Variants in PECR observed in about 807,000 individuals in gnomAD.
PECR encodes peroxisomal trans-2-enoyl-CoA reductase, also known as 2,4-dienoyl-CoA reductase-related protein.
A neutral mutation model predicts 35.3 loss-of-function variants in PECR; 30 were observed. That is an observed-to-expected ratio of 0.85 (90% confidence interval 0.64 to 1.15). PECR has a LOEUF of 1.15. Among genes scored for constraint, PECR ranks in the 50% most tolerant of loss-of-function variants. The pLI, the probability that PECR is intolerant of heterozygous loss-of-function variation, is 0.00. For missense variants in PECR, 392 were observed against 370.8 expected, an observed-to-expected ratio of 1.06 and a Z score of -0.47; for synonymous variants, 148 against 138.9, an observed-to-expected ratio of 1.07 and a Z score of -0.46.
chr2:216,069,574 G>A lies in PECR; in HGVS notation c.125-3056C>T, dbSNP rs137937560. Among the ~76,000 whole-genome samples the A allele has an allele frequency of 3.9e-5, 6 of 152,260 alleles. No individual in the cohort carries two copies. The East Asian group carries it at 1.2e-3, about 29-fold the overall frequency. ...CTGAAGGCAAACTTAACATCATGAGGAAAGTGCCTGTGACAAAGAAGATGA... is the reference window on the plus strand; with the variant it reads ...CTGAAGGCAAACTTAACATCATGAGAAAAGTGCCTGTGACAAAGAAGATGA... On this transcript the variant is annotated intron_variant, in intron 1 of 7. Coordinates refer to ENST00000265322, the MANE Select transcript of PECR (RefSeq NM_018441.6).
intron 1 of PECR, among the ~76,000 whole-genome samples, chr2:216,074,300 A>G (rs566622342): frequency 2.3e-4 from 35 of 152,272 alleles, no homozygotes; most frequent in African/African-American, 7.7e-4. Context: ...CAAAAAAATT[A>G]GCTGAGCATG....
Position 216,039,373 on chromosome 2 carries a change from T to TG in PECR, c.827-14dup. On this transcript the variant is annotated splice_polypyrimidine_tract_variant and intron_variant, in intron 7 of 7. Coordinates refer to ENST00000265322, the MANE Select transcript of PECR (RefSeq NM_018441.6). Reference sequence around the variant, plus strand: ...CAGTTGTCATGATCTGTTAAAGAAGTGGAAAGCCTCCTGTCACTTGCAAAT... The same window carrying TG: ...CAGTTGTCATGATCTGTTAAAGAAGTGGGAAAGCCTCCTGTCACTTGCAAAT... 6.7e-7 allele frequency: 1 copy of TG among 1,499,774 alleles called. No homozygotes were observed. The allele number at this position is 1,499,774 out of a possible 1,614,324, so 92.9% of individuals were successfully genotyped here. A position where few individuals can be genotyped will look rare whatever the true frequency, so the allele number is the denominator to read the frequency against.
chr2:216,057,340 A>G (rs1695249473), intron 4 of PECR, among the ~76,000 whole-genome samples: 2 of 152,194 alleles, frequency 1.3e-5, no homozygotes, highest in South Asian at 4.1e-4. Flanking sequence ...TGGTTTATAA[A>G]AGTGGCATAT....
chr2:216,033,605 A>G (rs1694745199), downstream of PECR: 1 of 152,306 alleles, frequency 6.6e-6, no homozygotes, highest in Non-Finnish European at 1.5e-5. Context: ...GGATTTCAAG[A>G]TATTTCCTAT....
chr2:216,064,502 G>A (rs1366119667), intron 3 of PECR, among the ~76,000 whole-genome samples: 1 of 152,170 alleles, frequency 6.6e-6, no homozygotes, highest in African/African-American at 2.4e-5. Context: ...CAAGAACAGT[G>A]GAGCAATAAG....
At chr2:216,060,905 A>T (rs1314345740) in intron 3 of PECR, among the ~76,000 whole-genome samples, 1 of 151,768 alleles carries the variant, frequency 6.6e-6, no homozygotes, top group Non-Finnish European at 1.5e-5. Flanking sequence ...ACTCATCTTT[A>T]TAAAAGAATG....
At chr2:216,078,566 C>A (rs1312672972) in intron 1 of PECR, among the ~76,000 whole-genome samples, 2 of 142,180 alleles carry the variant, frequency 1.4e-5, no homozygotes, top group African/African-American at 5.3e-5. Flanking sequence ...CCAGCCTGGG[C>A]GACAGAGCGA....
chr2:216,056,723 G>GAAAAAAAAAAAAAAAAAA (rs1206717179), intron 4 of PECR, among the ~76,000 whole-genome samples: 1 of 60,718 alleles, frequency 1.6e-5, no homozygotes, highest in Non-Finnish European at 3.6e-5. Context: ...CTCCATCTCA[G>GAAAAAAAAAAAAAAAAAA]AAAAAAAAAA....
intron 1 of PECR, among the ~76,000 whole-genome samples, chr2:216,069,295 T>C (rs900950377): frequency 7.9e-5 from 12 of 152,230 alleles, no homozygotes; most frequent in Admixed American, 7.9e-4. Flanking sequence ...GCATCTCTTC[T>C]TCAGTTCAGA....
intron 3 of PECR, among the ~76,000 whole-genome samples, chr2:216,063,279 C>T (rs1301217755): frequency 6.6e-6 from 1 of 152,090 alleles, no homozygotes; most frequent in East Asian, 1.9e-4. Context: ...ATATTTTACT[C>T]CAGAATATTT....
At chr2:216,072,549 A>G (rs759745839) in intron 1 of PECR, among the ~76,000 whole-genome samples, 1 of 151,900 alleles carries the variant, frequency 6.6e-6, no homozygotes, top group Non-Finnish European at 1.5e-5. Context: ...AGAGTCTCCA[A>G]TGTCTGTTAT....
chr2:216,029,452 G>A (rs1193606317), intron 7 of PECR, among the ~76,000 whole-genome samples: 1 of 131,728 alleles, frequency 7.6e-6, no homozygotes, highest in East Asian at 2.3e-4. Flanking sequence ...CACTCCGCCT[G>A]GCGAGAGAGT....
At position 216,049,325 on chromosome 2, in the gene PECR, G is replaced by C; in HGVS notation, c.652C>G (p.Gln218Glu). The C allele has an allele frequency of 6.2e-7, 1 of 1,604,652 alleles. No individual in the cohort carries two copies. The highest frequency in any genetic ancestry group is 2.2e-5 in the East Asian group (1 of 44,830). ...TGAAAAGACCCTTCAAAGAAGCTTT[G>C]TCCCCAGGAACCATAGTTCTCCACA... The part of the protein sequence containing the change: ...TAVENYGSWG[Q>E]SFFEGSFQKI... Residue 218 changes from glutamine (Q) to glutamate (E), a missense_variant, in exon 6 of 8, where the codon CAA (glutamine) becomes GAA (glutamate). Physicochemically the swap from Gln to Glu is conservative, Grantham distance 29. Transcript: ENST00000265322.
At chr2:216,070,267 A>C (rs1398870067) in intron 1 of PECR, among the ~76,000 whole-genome samples, 1 of 152,220 alleles carries the variant, frequency 6.6e-6, no homozygotes. Context: ...AATCAGGCTA[A>C]TGTATCTATC....
intron 7 of PECR, among the ~76,000 whole-genome samples, chr2:216,042,186 TGAATGAGA>T (rs933806428): frequency 6.6e-6 from 1 of 152,170 alleles, no homozygotes; most frequent in African/African-American, 2.4e-5. Context: ...GTGTCAGAAC[TGAATGAGA>T]GGACGCCCAG....
intron 4 of PECR, among the ~76,000 whole-genome samples, chr2:216,053,345 G>A (rs1442294828): frequency 2.6e-5 from 4 of 151,932 alleles, no homozygotes; most frequent in African/African-American, 7.3e-5. Context: ...CTGGGTTCAC[G>A]CCATTCTCCT....
At chr2:216,062,772 T>C (rs912514954) in intron 3 of PECR, among the ~76,000 whole-genome samples, 2 of 152,220 alleles carry the variant, frequency 1.3e-5, no homozygotes, top group Non-Finnish European at 2.9e-5. Flanking sequence ...CAAAAACAGA[T>C]TGCATATATA....
At chr2:216,077,042 C>T (rs1012876752) in intron 1 of PECR, among the ~76,000 whole-genome samples, 4 of 150,876 alleles carry the variant, frequency 2.7e-5, no homozygotes, top group African/African-American at 7.3e-5. Flanking sequence ...TGGGATTACA[C>T]GCACGCACCA....
At chr2:216,043,516 C>T (rs1385847597) in intron 7 of PECR, among the ~76,000 whole-genome samples, 2 of 152,130 alleles carry the variant, frequency 1.3e-5, no homozygotes, top group African/African-American at 4.8e-5. Flanking sequence ...GCACCCCACC[C>T]CACCTAGCAG....
Sources: allele counts gnomAD v4.1 joint callset (sites outside exome capture counted in the v4.1 genomes callset), GRCh38; gene constraint gnomAD v4.1.1; transcripts MANE v1.5; gene names NCBI Gene and HGNC (gene_info 2026-07-23, HGNC 2026-07-21).